CNTN5: variants seen among roughly 807,000 people sequenced by gnomAD.
The protein encoded by CNTN5 is contactin-5.
CNTN5 carries 77 observed loss-of-function variants against 129.1 expected under a neutral mutation model. That is an observed-to-expected ratio of 0.60 (90% CI 0.50 to 0.72). CNTN5 has a LOEUF of 0.72. Among genes scored for constraint, CNTN5 ranks in the 30% least tolerant of loss-of-function variants. The pLI is 0.00. For missense variants in CNTN5, 1,478 were observed against 1,328.8 expected, an observed-to-expected ratio of 1.11 and a Z score of -1.75; for synonymous variants, 509 against 465.6, an observed-to-expected ratio of 1.09 and a Z score of -1.20.
intron 2 of CNTN5, among the ~76,000 whole-genome samples, chr11:99,508,686 C>CTTTCTTTTCTTTTTT (rs11281160): frequency 1.4e-5 from 2 of 146,860 alleles, no homozygotes; most frequent in Non-Finnish European, 1.5e-5. Flanking sequence ...TCTTTTCTTT[C>CTTTCTTTTCTTTTTT]TTTTTTTTTT....
chr11:99,176,980 C>A (rs1591315575), intron 1 of CNTN5, among the ~76,000 whole-genome samples: 1 of 152,154 alleles, frequency 6.6e-6, no homozygotes, highest in East Asian at 1.9e-4. Context: ...ATTCTACTAT[C>A]TAGCTATGTT....
chr11:99,153,741 T>A (rs1860186936), intron 1 of CNTN5, among the ~76,000 whole-genome samples: 1 of 151,848 alleles, frequency 6.6e-6, no homozygotes, highest in Admixed American at 6.6e-5. Context: ...GTTGCTAGAG[T>A]TCTTGCATTG....
intron 1 of CNTN5, among the ~76,000 whole-genome samples, chr11:99,178,318 ACACACACAC>A (rs1857879144): frequency 1.2e-4 from 3 of 24,090 alleles, no homozygotes; most frequent in Non-Finnish European, 2.7e-4. Flanking sequence ...TCATCTCCAC[ACACACACAC>A]ACACACACAC....
chr11:99,314,038 C>T (rs2135977976), intron 1 of CNTN5, among the ~76,000 whole-genome samples: 1 of 151,864 alleles, frequency 6.6e-6, no homozygotes, highest in Non-Finnish European at 1.5e-5. Flanking sequence ...TCAAATTAGC[C>T]CAAAGGGGGT....
At chr11:99,278,412 A>C (rs779587976) in intron 1 of CNTN5, among the ~76,000 whole-genome samples, 15 of 151,688 alleles carry the variant, frequency 9.9e-5, no homozygotes, top group Non-Finnish European at 2.1e-4. Flanking sequence ...TTCTCACTGA[A>C]GCACATTTCC....
chr11:99,580,755 A>G (rs545380557), intron 3 of CNTN5, among the ~76,000 whole-genome samples: 117 of 139,438 alleles, frequency 8.4e-4, no homozygotes, highest in African/African-American at 2.7e-3. Context: ...CGGTCTATCA[A>G]TTTTGTTGAT....
At chr11:100,022,923 T>G (rs1293779472) in intron 9 of CNTN5, among the ~76,000 whole-genome samples, 6 of 151,930 alleles carry the variant, frequency 3.9e-5, no homozygotes, top group African/African-American at 1.5e-4. Flanking sequence ...TATAATGTGG[T>G]TTTTTTTCTC....
chr11:100,032,484 T>G (rs1013251176), intron 9 of CNTN5, among the ~76,000 whole-genome samples: 1 of 151,984 alleles, frequency 6.6e-6, no homozygotes, highest in African/African-American at 2.4e-5. Context: ...CATATATTTG[T>G]GAATGTAATT....
intron 2 of CNTN5, among the ~76,000 whole-genome samples, chr11:99,460,760 G>A (rs1944667774): frequency 6.6e-6 from 1 of 152,014 alleles, no homozygotes; most frequent in East Asian, 1.9e-4. Flanking sequence ...GGGAAAAGTC[G>A]AATTCTCGTA....
At chr11:100,087,419 C>G (rs1266107562) in intron 13 of CNTN5, among the ~76,000 whole-genome samples, 2 of 151,704 alleles carry the variant, frequency 1.3e-5, no homozygotes, top group Non-Finnish European at 2.9e-5. Flanking sequence ...AACAAATGAT[C>G]CCAATTGTAC....
chr11:99,843,198 A>T (rs1282759645), intron 4 of CNTN5, among the ~76,000 whole-genome samples: 1 of 152,194 alleles, frequency 6.6e-6, no homozygotes, highest in Non-Finnish European at 1.5e-5. Flanking sequence ...CTCTCTAGAC[A>T]GAGTGGGAGT....
At chr11:99,300,582 A>G (rs917433235) in intron 1 of CNTN5, among the ~76,000 whole-genome samples, 2 of 152,038 alleles carry the variant, frequency 1.3e-5, no homozygotes, top group East Asian at 1.9e-4. Context: ...TTTCTTTTCA[A>G]TGTGTTAAAA....
chr11:99,803,276 G>A (rs1460878944), intron 3 of CNTN5, among the ~76,000 whole-genome samples: 1 of 152,206 alleles, frequency 6.6e-6, no homozygotes, highest in East Asian at 1.9e-4. Context: ...ATGAGTTCCA[G>A]TTCACCGAGC....
chr11:99,113,439 G>GA (rs35874468), intron 1 of CNTN5, among the ~76,000 whole-genome samples: 1 of 151,766 alleles, frequency 6.6e-6, no homozygotes, highest in Non-Finnish European at 1.5e-5. Context: ...GAATAAGGCA[G>GA]AAAAAAAGGA....
intron 1 of CNTN5, among the ~76,000 whole-genome samples, chr11:99,325,110 T>C (rs898202201): frequency 6.6e-6 from 1 of 152,016 alleles, no homozygotes; most frequent in Non-Finnish European, 1.5e-5. Context: ...TAGAGTGACA[T>C]TATGTTATAT....
chr11:100,271,914 T>G (rs930749029), intron 18 of CNTN5, among the ~76,000 whole-genome samples: 2 of 152,194 alleles, frequency 1.3e-5, no homozygotes, highest in African/African-American at 4.8e-5. Flanking sequence ...AAATAAGGAA[T>G]ACAGAAATTT....
At chr11:100,338,110 G>A (rs1314122531) in intron 21 of CNTN5, among the ~76,000 whole-genome samples, 1 of 152,166 alleles carries the variant, frequency 6.6e-6, no homozygotes, top group African/African-American at 2.4e-5. Flanking sequence ...CAAAAGACGA[G>A]GAAGAAAATG....
intron 13 of CNTN5, among the ~76,000 whole-genome samples, chr11:100,127,658 T>C (rs1946237635): frequency 7.6e-6 from 1 of 131,178 alleles, no homozygotes; most frequent in Non-Finnish European, 1.6e-5. Context: ...TTTCTTTTTT[T>C]TTTTTTTTTT....
At chr11:99,647,746 G>T (rs928081800) in intron 3 of CNTN5, among the ~76,000 whole-genome samples, 3 of 149,554 alleles carry the variant, frequency 2.0e-5, no homozygotes, top group Non-Finnish European at 1.5e-5. Context: ...TTTTTTGGAG[G>T]GACCTTTTAC....
Sources: gnomAD v4.1 joint callset for allele counts (sites outside exome capture counted in the v4.1 genomes callset) on GRCh38, gnomAD v4.1.1 for gene constraint, MANE v1.5 for transcripts, NCBI Gene and HGNC (gene_info 2026-07-23, HGNC 2026-07-21) for gene names.